Variants in WWOX observed in about 807,000 individuals in gnomAD.
The protein encoded by WWOX is WW domain-containing oxidoreductase.
In WWOX, 69 loss-of-function variants were observed where a neutral mutation model predicts 46.2. The ratio of observed to expected loss-of-function variants is 1.49; its 90% CI spans 1.23 to 1.82. The LOEUF (loss-of-function observed/expected upper bound fraction) is 1.82. Among genes scored for constraint, WWOX ranks in the 40% most tolerant of loss-of-function variants. The probability of loss-of-function intolerance (pLI) is 0.00; values close to 1 mark genes in which losing one functional copy is unlikely to be tolerated. For missense variants in WWOX, 919 were observed against 542.6 expected, an observed-to-expected ratio of 1.69 and a Z score of -6.89; for synonymous variants, 359 against 202.6, an observed-to-expected ratio of 1.77 and a Z score of -6.56.
In WWOX at chr16:78,493,583, A is replaced by C. The variant is rs117997329; in HGVS notation, c.1056+60831A>C. ...TTTAAGGAGAATTATTCTTTTTACAAGTTCTGATTAATGACACCGCAAAAA... is the reference window on the plus strand; with the variant it reads ...TTTAAGGAGAATTATTCTTTTTACACGTTCTGATTAATGACACCGCAAAAA... On this transcript the variant is annotated intron_variant, in intron 8 of 8. Coordinates refer to ENST00000566780, the MANE Select transcript of WWOX (RefSeq NM_016373.4). Among the ~76,000 whole-genome samples the C allele has an allele frequency of 9.2e-4, 140 of 152,298 alleles. 1 individual carries two copies. The highest frequency in any genetic ancestry group is 6.8e-3 in the Middle Eastern group (2 of 294).
At chr16:78,910,296 C>CA (rs1006986171) in intron 8 of WWOX, among the ~76,000 whole-genome samples, 1 of 152,056 alleles carries the variant, frequency 6.6e-6, no homozygotes, top group Non-Finnish European at 1.5e-5. Context: ...ACTCACATGA[C>CA]AAAATGGATC....
At chr16:78,970,862 G>A (rs1454431639) in intron 8 of WWOX, among the ~76,000 whole-genome samples, 3 of 152,068 alleles carry the variant, frequency 2.0e-5, no homozygotes, top group African/African-American at 7.2e-5. Context: ...AGGCACGGCT[G>A]GATCCAGGGG....
At chr16:79,205,947 C>G (rs1035171378) in intron 8 of WWOX, 2 of 152,144 alleles carry the variant, frequency 1.3e-5, no homozygotes, top group African/African-American at 4.8e-5. Context: ...TGAAAAAATT[C>G]TATCATCAAA....
At chr16:78,523,164 C>G (rs2043386491) in intron 8 of WWOX, among the ~76,000 whole-genome samples, 1 of 152,126 alleles carries the variant, frequency 6.6e-6, no homozygotes, top group East Asian at 1.9e-4. Flanking sequence ...GCTTACAGAC[C>G]TAAATTTATC....
At chr16:78,424,801 CGAA>C in intron 6 of WWOX, 66 bp from the exon 7 acceptor site, 1 of 1,577,756 alleles carries the variant, frequency 6.3e-7, no homozygotes, top group Non-Finnish European at 8.7e-7. Context: ...CGTGGATTCC[CGAA>C]GGAGCATGGA....
intron 8 of WWOX, among the ~76,000 whole-genome samples, chr16:78,773,012 C>T (rs575628921): frequency 4.3e-4 from 65 of 152,226 alleles, no homozygotes; most frequent in African/African-American, 1.5e-3. Context: ...GCATCAAGGT[C>T]TGTTTTGCAG....
At chr16:79,194,350 G>A (rs1034564056) in intron 8 of WWOX, among the ~76,000 whole-genome samples, 10 of 152,094 alleles carry the variant, frequency 6.6e-5, no homozygotes, top group East Asian at 1.9e-4. Context: ...AGCACCTACC[G>A]TGCGCCAAGC....
chr16:78,836,060 T>C (rs2051974283), intron 8 of WWOX, among the ~76,000 whole-genome samples: 3 of 152,222 alleles, frequency 2.0e-5, no homozygotes, highest in African/African-American at 4.8e-5. Flanking sequence ...TGTATTCACA[T>C]TGTTCTATTG....
intron 8 of WWOX, among the ~76,000 whole-genome samples, chr16:78,924,634 G>C (rs73583227): frequency 3.3e-5 from 5 of 152,152 alleles, no homozygotes; most frequent in Non-Finnish European, 5.9e-5. Flanking sequence ...TGTTTAGAAA[G>C]TGTTAATTTA....
intron 8 of WWOX, among the ~76,000 whole-genome samples, chr16:78,637,441 CAAAAAAAA>C (rs11426631): frequency 7.2e-6 from 1 of 139,386 alleles, no homozygotes; most frequent in Non-Finnish European, 1.6e-5. Flanking sequence ...AACTCTGTCT[CAAAAAAAA>C]AAAAAAATTG....
intron 8 of WWOX, among the ~76,000 whole-genome samples, chr16:78,969,678 G>GAGAAA (rs149701787): frequency 6.6e-6 from 1 of 152,030 alleles, no homozygotes; most frequent in East Asian, 1.9e-4. Context: ...TAATAAAGAA[G>GAGAAA]AGAAAAGAAA....
chr16:78,911,544 A>ATT (rs2045111443), intron 8 of WWOX, among the ~76,000 whole-genome samples: 2 of 151,996 alleles, frequency 1.3e-5, no homozygotes, highest in Non-Finnish European at 2.9e-5. Flanking sequence ...TAAGACTCTT[A>ATT]GGAAAATTCT....
chr16:78,866,584 T>A (rs980961821), intron 8 of WWOX, among the ~76,000 whole-genome samples: 1 of 152,146 alleles, frequency 6.6e-6, no homozygotes, highest in African/African-American at 2.4e-5. Flanking sequence ...CAAAATCACT[T>A]AAGTGTTCAG....
intron 5 of WWOX, among the ~76,000 whole-genome samples, chr16:78,229,203 C>G (rs9934165): frequency 0.041 from 6,144 of 150,674 alleles, 344 homozygotes; most frequent in African/African-American, 0.12. Context: ...TCATAGTGTT[C>G]ATACTCAGAA....
At chr16:78,603,102 T>G (rs1346667174) in intron 8 of WWOX, among the ~76,000 whole-genome samples, 1 of 152,252 alleles carries the variant, frequency 6.6e-6, no homozygotes, top group Non-Finnish European at 1.5e-5. Flanking sequence ...TATTTATTTT[T>G]CCTTCTTGCG....
At chr16:78,422,547 G>A (rs1009934969) in intron 6 of WWOX, among the ~76,000 whole-genome samples, 1 of 149,562 alleles carries the variant, frequency 6.7e-6, no homozygotes, top group Admixed American at 6.8e-5. Flanking sequence ...GGGTCTTGCT[G>A]TGTTGCTCAG....
chr16:78,821,852 A>G (rs141105547), intron 8 of WWOX, among the ~76,000 whole-genome samples: 9 of 152,238 alleles, frequency 5.9e-5, no homozygotes, highest in Non-Finnish European at 1.2e-4. Flanking sequence ...AACAATTCTC[A>G]TCTCCAATTC....
intron 5 of WWOX, among the ~76,000 whole-genome samples, chr16:78,280,106 C>G (rs2079649636): frequency 6.6e-6 from 1 of 152,220 alleles, no homozygotes; most frequent in African/African-American, 2.4e-5. Context: ...ATGGCAGGCT[C>G]TACCCAACTG....
intron 8 of WWOX, among the ~76,000 whole-genome samples, chr16:78,721,059 C>T (rs1168358364): frequency 2.0e-5 from 3 of 152,110 alleles, no homozygotes; most frequent in East Asian, 3.9e-4. Context: ...AGATTGAGGT[C>T]GTTTATTGGT....
Sources: allele counts gnomAD v4.1 joint callset (sites outside exome capture counted in the v4.1 genomes callset), GRCh38; gene constraint gnomAD v4.1.1; transcripts MANE v1.5; gene names NCBI Gene and HGNC (gene_info 2026-07-23, HGNC 2026-07-21).